The following SUPT3H variants were observed in gnomAD, a reference collection of about 807,000 sequenced individuals.
SUPT3H encodes the protein SPT3 homolog, SAGA and STAGA complex component.
In SUPT3H, 44 loss-of-function variants were observed where a neutral mutation model predicts 44.3. The ratio of observed to expected loss-of-function variants is 0.99; its 90% CI spans 0.78 to 1.28. SUPT3H has a LOEUF of 1.28. Among genes scored for constraint, SUPT3H ranks in the 50% most tolerant of loss-of-function variants. The probability of loss-of-function intolerance (pLI) is 0.00; values close to 1 mark genes in which losing one functional copy is unlikely to be tolerated. For missense variants in SUPT3H, 380 were observed against 387.1 expected (o/e 0.98, Z 0.15); for synonymous variants, 124 against 125.6 (o/e 0.99, Z 0.09).
chr6:44,999,882 C>A (rs1400881028), intron 6 of SUPT3H, among the ~76,000 whole-genome samples: 2 of 151,920 alleles, frequency 1.3e-5, no homozygotes, highest in African/African-American at 4.8e-5. Context: ...TCCTTAAATT[C>A]TCTTTTCTCT....
At chr6:45,187,903 ACT>A (rs1814513050) in intron 2 of SUPT3H, among the ~76,000 whole-genome samples, 1 of 152,236 alleles carries the variant, frequency 6.6e-6, no homozygotes, top group Non-Finnish European at 1.5e-5. Context: ...TCAGTTATCT[ACT>A]GTCAACTGTG....
At chr6:45,073,337 C>T (rs968701462) in intron 3 of SUPT3H, among the ~76,000 whole-genome samples, 10 of 151,682 alleles carry the variant, frequency 6.6e-5, no homozygotes, top group African/African-American at 2.4e-4. Flanking sequence ...AATTAGACTA[C>T]CAAAAGTTTA....
chr6:45,262,128 T>C (rs1275549332), intron 2 of SUPT3H, among the ~76,000 whole-genome samples: 1 of 152,112 alleles, frequency 6.6e-6, no homozygotes, highest in African/African-American at 2.4e-5. Flanking sequence ...AGAATCAATA[T>C]TGTTAAAATG....
At chr6:45,205,336 C>T (rs966849821) in intron 2 of SUPT3H, among the ~76,000 whole-genome samples, 2 of 152,146 alleles carry the variant, frequency 1.3e-5, no homozygotes, top group Middle Eastern at 3.2e-3. Flanking sequence ...TCCGAGTTTG[C>T]ACTATTGGAA....
At chr6:44,914,562 T>C (rs1311585064) in intron 10 of SUPT3H, among the ~76,000 whole-genome samples, 4 of 152,204 alleles carry the variant, frequency 2.6e-5, no homozygotes, top group African/African-American at 9.6e-5. Context: ...CAAACAATCT[T>C]ATGATTTCTT....
intron 2 of SUPT3H, among the ~76,000 whole-genome samples, chr6:45,333,323 T>G (rs1484496843): frequency 1.3e-5 from 2 of 151,582 alleles, no homozygotes; most frequent in African/African-American, 2.4e-5. Context: ...TTTTGTCCAT[T>G]CAACAGCACA....
chr6:44,996,158 T>C (rs1245433766), intron 6 of SUPT3H, among the ~76,000 whole-genome samples: 1 of 151,878 alleles, frequency 6.6e-6, no homozygotes, highest in East Asian at 1.9e-4. Flanking sequence ...TCTAACTGAA[T>C]TGATATTTTA....
chr6:44,819,326 G>A (rs768707121), intron 11 of SUPT3H, among the ~76,000 whole-genome samples: 2 of 152,000 alleles, frequency 1.3e-5, no homozygotes, highest in Non-Finnish European at 2.9e-5. Flanking sequence ...GTGATGAGGC[G>A]GGGGAATCAT....
chr6:45,222,488 G>A (rs1766230641), intron 2 of SUPT3H, among the ~76,000 whole-genome samples: 2 of 152,070 alleles, frequency 1.3e-5, no homozygotes, highest in Admixed American at 1.3e-4. Flanking sequence ...AACCACAGGA[G>A]ATTATCACTA....
intron 10 of SUPT3H, among the ~76,000 whole-genome samples, chr6:44,870,273 AAG>A (rs1446826444): frequency 1.3e-5 from 2 of 152,144 alleles, no homozygotes; most frequent in Non-Finnish European, 2.9e-5. Flanking sequence ...GATGATCAAA[AAG>A]AGTTTCATCA....
At chr6:45,344,991 C>T (rs990553688) in intron 2 of SUPT3H, among the ~76,000 whole-genome samples, 5 of 152,060 alleles carry the variant, frequency 3.3e-5, no homozygotes, top group African/African-American at 1.2e-4. Flanking sequence ...TCTGTTTCAC[C>T]TAGCTGAATC....
chr6:45,266,278 T>A (rs1054217624), intron 2 of SUPT3H, among the ~76,000 whole-genome samples: 36 of 151,966 alleles, frequency 2.4e-4, no homozygotes, highest in African/African-American at 5.6e-4. Context: ...AAATTTTTTT[T>A]AAAAATCTAG....
chr6:45,197,651 T>A, intron 2 of SUPT3H: 1 of 351,088 alleles, frequency 2.8e-6, no homozygotes, highest in South Asian at 2.2e-5. Flanking sequence ...AAATTGACAA[T>A]ACTATTTTTT....
chr6:45,300,448 T>C (rs1781972876), intron 2 of SUPT3H, among the ~76,000 whole-genome samples: 1 of 152,134 alleles, frequency 6.6e-6, no homozygotes, highest in Admixed American at 6.6e-5. Flanking sequence ...ATGTGGAGAA[T>C]CAAAATACTA....
intron 2 of SUPT3H, among the ~76,000 whole-genome samples, chr6:45,237,881 A>G (rs781155786): frequency 3.9e-5 from 6 of 152,310 alleles, no homozygotes; most frequent in Non-Finnish European, 7.4e-5. Context: ...AACCTATGGG[A>G]GCATTACAGC....
chr6:44,869,841 G>C (rs1430112213), intron 10 of SUPT3H, among the ~76,000 whole-genome samples: 1 of 152,184 alleles, frequency 6.6e-6, no homozygotes, highest in Non-Finnish European at 1.5e-5. Context: ...CTTTAACAAG[G>C]TGTCAAACAT....
At chr6:45,083,876 A>G (rs1438282059) in intron 3 of SUPT3H, among the ~76,000 whole-genome samples, 1 of 152,232 alleles carries the variant, frequency 6.6e-6, no homozygotes. Context: ...TGGTGCCGGG[A>G]TAACTGGCTA....
At chr6:45,347,258 ATAAT>A (rs1791075723) in intron 2 of SUPT3H, among the ~76,000 whole-genome samples, 2 of 152,214 alleles carry the variant, frequency 1.3e-5, no homozygotes, top group African/African-American at 4.8e-5. Context: ...ACTACAGTGA[ATAAT>A]TAAATTTCTT....
chr6:45,189,030 G>A (rs10948211), intron 2 of SUPT3H, among the ~76,000 whole-genome samples: 33,318 of 151,674 alleles, frequency 0.22, 4,465 homozygotes, highest in Non-Finnish European at 0.31. Flanking sequence ...TTGAACTCAC[G>A]GGCTCAAGTG....
Sources: gnomAD v4.1 joint callset for allele counts (sites outside exome capture counted in the v4.1 genomes callset) on GRCh38, gnomAD v4.1.1 for gene constraint, MANE v1.5 for transcripts, NCBI Gene and HGNC (gene_info 2026-07-23, HGNC 2026-07-21) for gene names.